PTCSC3: variants seen among roughly 807,000 people sequenced by gnomAD.
PTCSC3 encodes the protein papillary thyroid carcinoma susceptibility candidate 3.
At chr14:36,144,573 G>C (rs1406955132) in intron 3 of PTCSC3, among the ~76,000 whole-genome samples, 1,451 of 85,184 alleles carry the variant, frequency 0.017, no homozygotes, top group Non-Finnish European at 0.025. Context: ...AGACAATGGG[G>C]TTTTCTAGAT....
intron 2 of PTCSC3, among the ~76,000 whole-genome samples, chr14:36,161,065 C>T (rs1457464545): frequency 6.6e-6 from 1 of 151,954 alleles, no homozygotes; most frequent in East Asian, 1.9e-4. Flanking sequence ...TTTTTCAGCT[C>T]CATCATGTCA....
At chr14:36,170,370 G>C (rs559715511) in intron 1 of PTCSC3, among the ~76,000 whole-genome samples, 261 of 152,068 alleles carry the variant, frequency 1.7e-3, no homozygotes, top group African/African-American at 5.9e-3. Context: ...TTTAACAATT[G>C]AATCAACCAG....
At chr14:36,140,042 A>C (rs1458570362) in intron 3 of PTCSC3, among the ~76,000 whole-genome samples, 2 of 152,020 alleles carry the variant, frequency 1.3e-5, no homozygotes, top group African/African-American at 4.8e-5. Context: ...TATTCCCTCT[A>C]TTGTTTTACG....
chr14:36,161,018 G>C (rs1764747337), intron 2 of PTCSC3, among the ~76,000 whole-genome samples: 3 of 151,950 alleles, frequency 2.0e-5, no homozygotes, highest in African/African-American at 7.2e-5. Flanking sequence ...TTCAGCTATT[G>C]ATACTTGTGT....
downstream of PTCSC3, among the ~76,000 whole-genome samples, chr14:36,135,768 T>C (rs1881271082): frequency 6.6e-6 from 1 of 152,204 alleles, no homozygotes; most frequent in South Asian, 2.1e-4. Flanking sequence ...GAGATATTGC[T>C]ACTGTGAGCA....
At chr14:36,150,358 A>G (rs1453471982) in intron 3 of PTCSC3, among the ~76,000 whole-genome samples, 2 of 152,134 alleles carry the variant, frequency 1.3e-5, no homozygotes, top group African/African-American at 4.8e-5. Flanking sequence ...ACCCTGAAAC[A>G]AGGTACCCTG....
At chr14:36,171,355 ATTTCCTACT>A (rs1290220177) in intron 1 of PTCSC3, among the ~76,000 whole-genome samples, 1 of 152,108 alleles carries the variant, frequency 6.6e-6, no homozygotes, top group Non-Finnish European at 1.5e-5. Flanking sequence ...ATAGCTACAC[ATTTCCTACT>A]TTTCAGCAGT....
chr14:36,165,827 A>T (rs1483952457), intron 1 of PTCSC3, among the ~76,000 whole-genome samples: 2 of 151,502 alleles, frequency 1.3e-5, no homozygotes, highest in East Asian at 1.9e-4. Flanking sequence ...CGTGGGAGGA[A>T]CTTTCACATT....
intron 3 of PTCSC3, among the ~76,000 whole-genome samples, chr14:36,150,940 T>TA (rs1230982499): frequency 6.3e-5 from 6 of 95,464 alleles, no homozygotes; most frequent in South Asian, 3.4e-4. Flanking sequence ...AGGTATTTTT[T>TA]TAAAAAAACC....
intron 3 of PTCSC3, among the ~76,000 whole-genome samples, chr14:36,150,367 T>C (rs1183492717): frequency 6.6e-6 from 1 of 152,146 alleles, no homozygotes; most frequent in Non-Finnish European, 1.5e-5. Flanking sequence ...CAAGGTACCC[T>C]GAAACAAGGT....
intron 2 of PTCSC3, among the ~76,000 whole-genome samples, chr14:36,157,980 G>A (rs183029702): frequency 1.9e-3 from 283 of 152,276 alleles, no homozygotes; most frequent in African/African-American, 6.4e-3. Context: ...CACATCCCTT[G>A]TAAGTTGGAT....
chr14:36,146,315 C>T (rs1423865007), intron 3 of PTCSC3, among the ~76,000 whole-genome samples: 3 of 148,240 alleles, frequency 2.0e-5, no homozygotes, highest in African/African-American at 7.5e-5. Flanking sequence ...TTGTAGGTCA[C>T]TCAGGACTTG....
At chr14:36,169,070 ACT>A (rs1882147422) in intron 1 of PTCSC3, among the ~76,000 whole-genome samples, 1 of 151,922 alleles carries the variant, frequency 6.6e-6, no homozygotes, top group Non-Finnish European at 1.5e-5. Flanking sequence ...TTAAAAAAAA[ACT>A]CTCTTAAATC....
At chr14:36,142,517 C>T (rs1202067209) in intron 3 of PTCSC3, among the ~76,000 whole-genome samples, 1 of 152,170 alleles carries the variant, frequency 6.6e-6, no homozygotes, top group Non-Finnish European at 1.5e-5. Flanking sequence ...TAAGTGTTCC[C>T]TCTGCTTCTG....
chr14:36,159,147 A>G (rs564244474), intron 2 of PTCSC3, among the ~76,000 whole-genome samples: 4 of 145,882 alleles, frequency 2.7e-5, no homozygotes, highest in South Asian at 4.3e-4. Flanking sequence ...TCTCTCTTTT[A>G]TTAGTCTGGC....
intron 3 of PTCSC3, among the ~76,000 whole-genome samples, chr14:36,146,972 AG>A (rs1881589916): frequency 6.6e-6 from 1 of 152,122 alleles, no homozygotes; most frequent in Non-Finnish European, 1.5e-5. Flanking sequence ...CTTTCCTTTA[AG>A]AATGTTGAAT....
intron 1 of PTCSC3, among the ~76,000 whole-genome samples, chr14:36,173,506 A>G (rs1165337502): frequency 1.3e-5 from 2 of 152,098 alleles, no homozygotes; most frequent in African/African-American, 2.4e-5. Context: ...AAAAACTTTT[A>G]GCTAACTCTC....
intron 2 of PTCSC3, among the ~76,000 whole-genome samples, chr14:36,161,131 C>T (rs1176020460): frequency 6.6e-6 from 1 of 152,068 alleles, no homozygotes; most frequent in Non-Finnish European, 1.5e-5. Flanking sequence ...AATCTTTTTT[C>T]AAGGTTCTTA....
At chr14:36,165,829 T>A (rs895834931) in intron 1 of PTCSC3, among the ~76,000 whole-genome samples, 1 of 151,916 alleles carries the variant, frequency 6.6e-6, no homozygotes, top group African/African-American at 2.4e-5. Flanking sequence ...TGGGAGGAAC[T>A]TTCACATTTG....
Sources: gnomAD v4.1 joint callset for allele counts (sites outside exome capture counted in the v4.1 genomes callset) on GRCh38, gnomAD v4.1.1 for gene constraint, MANE v1.5 for transcripts, NCBI Gene and HGNC (gene_info 2026-07-23, HGNC 2026-07-21) for gene names.